Variants in BET1 observed in about 807,000 individuals in gnomAD.
BET1 encodes the protein Bet1 golgi vesicular membrane trafficking protein.
Under a neutral mutation model 13.9 loss-of-function variants are expected in BET1, and 9 were observed. That is an observed-to-expected ratio of 0.65 (90% confidence interval 0.39 to 1.13). The LOEUF (loss-of-function observed/expected upper bound fraction) is 1.13. BET1 is among the 50% of genes most tolerant of loss of function. The pLI is 0.01. For synonymous variants in BET1, 39 were observed against 47.3 expected, an observed-to-expected ratio of 0.82 and a Z score of 0.72; for missense variants, 127 against 133.6, an observed-to-expected ratio of 0.95 and a Z score of 0.24.
intron 4 of BET1, among the ~76,000 whole-genome samples, chr7:93,986,335 A>G (rs1238827264): frequency 6.6e-6 from 1 of 152,180 alleles, no homozygotes; most frequent in Non-Finnish European, 1.5e-5. Flanking sequence ...CTGAGTTTCT[A>G]AGTTGCTAAT....
In BET1 at chr7:94,004,258, G is replaced by A. The variant is rs1301505724; in HGVS notation, c.-42C>T. 6.2e-7 allele frequency: 1 copy of A among 1,613,926 alleles called. No individual in the cohort carries two copies. The highest frequency in any genetic ancestry group is 1.3e-5 in the African/African-American group (1 of 74,892). On this transcript the variant is annotated 5_prime_UTR_variant, in exon 1 of 4. Coordinates refer to ENST00000222547, the MANE Select transcript of BET1 (RefSeq NM_005868.6). ...GAGAAAAGGCGGGTGCGGGGCTTTGGGTGAGTAGGAAACAGCTAGGGGCGA... is the reference window on the plus strand; with the variant it reads ...GAGAAAAGGCGGGTGCGGGGCTTTGAGTGAGTAGGAAACAGCTAGGGGCGA...
rs184158120 is a variant in BET1, at chr7:93,985,511, A to T, written c.235+8841T>A. ...TGCTGGTATATAACAGAATAATTCA[A>T]ACTAAATAATGCATTCAAACTAAAC... On this transcript the variant is annotated intron_variant and NMD_transcript_variant, in intron 4 of 6. Transcript: ENST00000357520. Among the ~76,000 whole-genome samples, 37 of 152,316 alleles carry T rather than the reference A, an allele frequency of 2.4e-4. 1 individual carries two copies. In the East Asian group the frequency reaches 3.3e-3, roughly 13 times the overall value.
At chr7:93,990,348 A>C (rs1266331016), downstream of BET1, among the ~76,000 whole-genome samples, 1 of 152,088 alleles carries the variant, frequency 6.6e-6, no homozygotes, top group Non-Finnish European at 1.5e-5. Flanking sequence ...ACTATTTATT[A>C]ATTAATGAGA....
chr7:94,002,690 C>T (rs1314448511), intron 1 of BET1, among the ~76,000 whole-genome samples: 3 of 152,138 alleles, frequency 2.0e-5, no homozygotes, highest in African/African-American at 7.2e-5. Flanking sequence ...GCCTAGGGGC[C>T]TACTGATGAA....
intron 4 of BET1, among the ~76,000 whole-genome samples, chr7:93,986,695 T>C (rs533921719): frequency 6.6e-6 from 1 of 152,270 alleles, no homozygotes; most frequent in African/African-American, 2.4e-5. Flanking sequence ...AGGTCAACAA[T>C]GGAAAACATA....
rs560963140 is a variant in BET1, at chr7:93,986,908, T to C, written c.235+7444A>G. Among the ~76,000 whole-genome samples, 6 of 152,290 alleles carry C rather than the reference T, an allele frequency of 3.9e-5. No homozygotes were observed. In the East Asian group the frequency reaches 1.2e-3, roughly 29 times the overall value. ...CACTGTGTTACAATTGCCTACACTA[T>C]TCCGTATAGTACATGCTATACAGGT... On this transcript the variant is annotated intron_variant and NMD_transcript_variant, in intron 4 of 6. Coordinates refer to the BET1 transcript ENST00000357520.
intron 6 of BET1, among the ~76,000 whole-genome samples, chr7:93,971,528 C>T (rs753664121): frequency 3.3e-5 from 5 of 151,714 alleles, no homozygotes; most frequent in Non-Finnish European, 5.9e-5. Flanking sequence ...TCACAATATG[C>T]TTCTGCTGAA....
At chr7:93,989,043 T>A (rs184990129), downstream of BET1, among the ~76,000 whole-genome samples, 630 of 150,466 alleles carry the variant, frequency 4.2e-3, 5 homozygotes, top group Non-Finnish European at 7.4e-3. Flanking sequence ...TGAGACGGAG[T>A]CACTCTGTCA....
chr7:93,998,642 T>C (rs1231220338), intron 2 of BET1, among the ~76,000 whole-genome samples: 1 of 151,292 alleles, frequency 6.6e-6, no homozygotes, highest in African/African-American at 2.4e-5. Context: ...GAGGTTGCAG[T>C]GAGCCAAAAC....
chr7:93,991,321 TTAATTTCATGTCATC>T, downstream of BET1, among the ~76,000 whole-genome samples: 1 of 152,220 alleles, frequency 6.6e-6, no homozygotes, highest in Non-Finnish European at 1.5e-5. Context: ...AATTCACCAG[TTAATTTCATGTCATC>T]TGAAGTTTCT....
At chr7:94,003,308 G>A (rs1445824295) in intron 1 of BET1, among the ~76,000 whole-genome samples, 1 of 148,184 alleles carries the variant, frequency 6.7e-6, no homozygotes, top group Non-Finnish European at 1.5e-5. Context: ...TACGGTTATT[G>A]GCAACTTTCA....
At position 93,993,931 on chromosome 7, in the gene BET1, A is replaced by G; in HGVS notation, c.*299T>C. 1 of 1,535,550 alleles carries G rather than the reference A, an allele frequency of 6.5e-7. No individual in the cohort carries two copies. Among genetic ancestry groups the G allele is most frequent in the South Asian group, 1.2e-5 (1 of 83,928 alleles). ...TAAACCTGCATTTATGATTACAACA[A>G]AATATTATAATGCTATTTAATCTGA... is the stretch of plus-strand genomic sequence containing the variant. On this transcript the variant is annotated 3_prime_UTR_variant, in exon 4 of 4. Coordinates refer to ENST00000222547, the MANE Select transcript of BET1 (RefSeq NM_005868.6).
chr7:93,966,949 A>G (rs1252348201), intron 6 of BET1, among the ~76,000 whole-genome samples: 1 of 151,842 alleles, frequency 6.6e-6, no homozygotes, highest in Non-Finnish European at 1.5e-5. Context: ...CTTTTTAACC[A>G]TGTTCCATTT....
rs1192167766 is a variant in BET1 at position 93,993,844 on chromosome 7, G to A, written c.*386C>T. 1.5e-5 allele frequency: 23 copies of A among 1,534,134 alleles called. No homozygotes were observed. Among genetic ancestry groups the A allele is most frequent in the Non-Finnish European group, 1.9e-5 (22 of 1,146,288 alleles). On this transcript the variant is annotated 3_prime_UTR_variant, in exon 4 of 4. Coordinates refer to ENST00000222547, the MANE Select transcript of BET1 (RefSeq NM_005868.6). ...CACAAACTGGCTGACTACTTCAAGA[G>A]CTCAGAGTCAGGCTCTCCAGGCATT...
chr7:94,004,249 G>A lies in BET1; in HGVS notation c.-33C>T. ...GAGGAGAGAGAGAAAAGGCGGGTGC[G>A]GGGCTTTGGGTGAGTAGGAAACAGC... On this transcript the variant is annotated 5_prime_UTR_variant, in exon 1 of 4. Transcript: ENST00000222547. 26 of 1,614,034 alleles carry A rather than the reference G, an allele frequency of 1.6e-5. No individual in the cohort carries two copies. The highest frequency in any genetic ancestry group is 1.9e-5 in the Non-Finnish European group (23 of 1,179,984).
rs1562811066 is a variant in BET1, at chr7:94,004,322, C to T, written c.-106G>A. On this transcript the variant is annotated 5_prime_UTR_variant, in exon 1 of 4. It adds an upstream start codon to the 5' untranslated region. Transcript: ENST00000222547. ...TTCAGTACCAGGGCCCAGCGAAACA[C>T]CAACTTCTTCCCCTAAAGCGCCACG... The T allele has an allele frequency of 1.4e-6, 2 of 1,465,618 alleles. No individual in the cohort carries two copies. 90.8% of individuals were successfully genotyped at this position (1,465,618 alleles called of 1,614,324 possible).
exon 7 of BET1, chr7:93,963,188 C>T (rs929475951): frequency 2.6e-5 from 4 of 151,952 alleles, no homozygotes; most frequent in Admixed American, 6.6e-5. Flanking sequence ...GAAACTCTCT[C>T]CTGTCTACTT....
chr7:93,994,541 G>A (rs572928169), intron 3 of BET1, among the ~76,000 whole-genome samples, 156 bp from the exon 4 acceptor site: 9 of 152,288 alleles, frequency 5.9e-5, no homozygotes, highest in African/African-American at 2.2e-4. Flanking sequence ...TGGATAATCA[G>A]CCTGATTTCT....
intron 5 of BET1, among the ~76,000 whole-genome samples, chr7:93,973,348 T>C (rs771991399): frequency 1.3e-5 from 2 of 151,920 alleles, no homozygotes; most frequent in South Asian, 2.1e-4. Context: ...TGAATCATAT[T>C]TACTACATTG....
Sources: gnomAD v4.1 joint callset for allele counts (sites outside exome capture counted in the v4.1 genomes callset) on GRCh38, gnomAD v4.1.1 for gene constraint, MANE v1.5 for transcripts, NCBI Gene and HGNC (gene_info 2026-07-23, HGNC 2026-07-21) for gene names.